Variants in NYAP2 observed in about 807,000 individuals in gnomAD.
NYAP2 encodes neuronal tyrosine-phosphorylated phosphoinositide-3-kinase adaptor 2.
Under a neutral mutation model 50.4 loss-of-function variants are expected in NYAP2, and 23 were observed. The observed-to-expected ratio is 0.46, with a 90% CI of 0.33 to 0.65. The LOEUF (loss-of-function observed/expected upper bound fraction) is 0.65, where lower values mean the gene tolerates loss of function less well. Among genes scored for constraint, NYAP2 ranks in the 30% least tolerant of loss-of-function variants. NYAP2 has a pLI of 0.02. For missense variants in NYAP2, 885 were observed against 861.0 expected, an observed-to-expected ratio of 1.03 and a Z score of -0.35; for synonymous variants, 394 against 365.2, an observed-to-expected ratio of 1.08 and a Z score of -0.90.
chr2:225,541,988 G>A (rs1691480765), intron 4 of NYAP2, among the ~76,000 whole-genome samples: 1 of 151,918 alleles, frequency 6.6e-6, no homozygotes, highest in African/African-American at 2.4e-5. Flanking sequence ...TTTCATTATA[G>A]AGATCCTTAA....
chr2:225,446,729 C>T (rs922395578), intron 3 of NYAP2, among the ~76,000 whole-genome samples: 3 of 152,054 alleles, frequency 2.0e-5, no homozygotes, highest in African/African-American at 7.2e-5. Context: ...CTGTAATTTT[C>T]CTAAGTAGTA....
At chr2:225,413,983 G>A (rs141458433) in intron 3 of NYAP2, among the ~76,000 whole-genome samples, 4 of 152,286 alleles carry the variant, frequency 2.6e-5, no homozygotes, top group Admixed American at 6.5e-5. Context: ...ATAGGATTTC[G>A]TATGATTGAC....
chr2:225,447,865 C>A (rs1689586349), intron 3 of NYAP2, among the ~76,000 whole-genome samples: 1 of 152,166 alleles, frequency 6.6e-6, no homozygotes, highest in Non-Finnish European at 1.5e-5. Context: ...AAGATTCTGA[C>A]TACAGGGAGA....
intron 3 of NYAP2, among the ~76,000 whole-genome samples, chr2:225,477,356 C>T (rs1037508594): frequency 2.7e-5 from 4 of 150,506 alleles, no homozygotes; most frequent in African/African-American, 4.9e-5. Context: ...CCTGCCTCAG[C>T]CTCCCGAGTA....
chr2:225,605,515 GCC>G (rs1234890328), intron 5 of NYAP2, among the ~76,000 whole-genome samples: 2 of 152,052 alleles, frequency 1.3e-5, no homozygotes, highest in Non-Finnish European at 2.9e-5. Flanking sequence ...TTATAGAGCA[GCC>G]TAGCTGAAGT....
At chr2:225,645,132 C>A (rs1214691679) in intron 6 of NYAP2, among the ~76,000 whole-genome samples, 3 of 151,704 alleles carry the variant, frequency 2.0e-5, no homozygotes, top group African/African-American at 7.3e-5. Context: ...GTGGCATGCA[C>A]CTATAGTTTC....
chr2:225,463,897 G>A (rs1008775573), intron 3 of NYAP2, among the ~76,000 whole-genome samples: 1 of 132,992 alleles, frequency 7.5e-6, no homozygotes, highest in East Asian at 1.9e-4. Flanking sequence ...GTTCATCCTG[G>A]TTACCCTCTG....
intron 3 of NYAP2, among the ~76,000 whole-genome samples, chr2:225,448,733 C>A (rs532963595): frequency 2.0e-5 from 3 of 152,194 alleles, no homozygotes; most frequent in Non-Finnish European, 1.5e-5. Context: ...TATTTAGAAG[C>A]ACTGAACGGT....
At chr2:225,699,629 TG>T in the NYAP2 span, 1 of 151,932 alleles carries the variant, frequency 6.6e-6, no homozygotes, top group South Asian at 2.1e-4. Context: ...TTTTTCAAAC[TG>T]GTTATCACCA....
At chr2:225,622,768 TG>T (rs1385727723) in intron 5 of NYAP2, among the ~76,000 whole-genome samples, 3 of 151,676 alleles carry the variant, frequency 2.0e-5, no homozygotes, top group Non-Finnish European at 4.4e-5. Context: ...TTAGTAGAGA[TG>T]GGGTTTCACC....
chr2:225,646,377 A>AC (rs758713051), intron 6 of NYAP2, among the ~76,000 whole-genome samples: 2 of 151,988 alleles, frequency 1.3e-5, no homozygotes, highest in Non-Finnish European at 2.9e-5. Flanking sequence ...CATGGAGAAA[A>AC]CCCATCTCTA....
intron 4 of NYAP2, among the ~76,000 whole-genome samples, chr2:225,519,186 A>G (rs1020053686): frequency 2.6e-5 from 4 of 151,970 alleles, no homozygotes; most frequent in Non-Finnish European, 4.4e-5. Flanking sequence ...ATTAATAAGT[A>G]TTCCCAAGGC....
chr2:225,538,554 C>A (rs985736404), intron 4 of NYAP2, among the ~76,000 whole-genome samples: 1 of 152,200 alleles, frequency 6.6e-6, no homozygotes, highest in Admixed American at 6.5e-5. Flanking sequence ...AGGCTGCACA[C>A]AGCACAGGGA....
intron 3 of NYAP2, among the ~76,000 whole-genome samples, chr2:225,414,394 T>C (rs1224647163): frequency 6.6e-6 from 1 of 152,228 alleles, no homozygotes; most frequent in Admixed American, 6.5e-5. Flanking sequence ...CCTAATGGTT[T>C]TGTGCAGGCA....
Position 225,490,927 on chromosome 2 carries a change from C to G in NYAP2, c.222-22444C>G, listed in dbSNP as rs1690393235. Reference sequence around the variant, plus strand: ...GCCCACCTGCATGGAGCATTACACTCTTGACTGCTGTTATGGAATTTTTCA... The same window carrying G: ...GCCCACCTGCATGGAGCATTACACTGTTGACTGCTGTTATGGAATTTTTCA... On this transcript the variant is annotated intron_variant, in intron 3 of 6. Transcript: ENST00000636099. Among the ~76,000 whole-genome samples the G allele has an allele frequency of 4.6e-5, 7 of 152,154 alleles. No homozygotes were observed. The South Asian group carries it at 1.2e-3, about 27-fold the overall frequency.
At chr2:225,550,844 G>A (rs761592617) in intron 4 of NYAP2, among the ~76,000 whole-genome samples, 19 of 152,186 alleles carry the variant, frequency 1.2e-4, no homozygotes, top group Non-Finnish European at 2.5e-4. Context: ...AAGGGAAAAT[G>A]AAGAACCGGC....
chr2:225,630,155 G>C (rs971095876), intron 6 of NYAP2, among the ~76,000 whole-genome samples: 3 of 152,208 alleles, frequency 2.0e-5, no homozygotes. Flanking sequence ...GATGAGGGAA[G>C]ATTGAAGAAA....
intron 6 of NYAP2, among the ~76,000 whole-genome samples, chr2:225,647,982 G>A (rs76666542): frequency 9.5e-4 from 11 of 11,604 alleles, no homozygotes; most frequent in Non-Finnish European, 1.6e-3. Context: ...ATGTGTGTGT[G>A]CATATGTATG....
rs964991498 is a variant in NYAP2, at chr2:225,564,699, A to C, written c.524-17242A>C. On this transcript the variant is annotated intron_variant, in intron 4 of 6. Transcript: ENST00000636099. Reference sequence around the variant, plus strand: ...CTGCATAAATATAAAAAAAAAAAACATGCTCACTATCTGCATGTCCTCATA... The same window carrying C: ...CTGCATAAATATAAAAAAAAAAAACCTGCTCACTATCTGCATGTCCTCATA... Among the ~76,000 whole-genome samples, 4 of 151,550 alleles carry C rather than the reference A, an allele frequency of 2.6e-5. No individual in the cohort carries two copies. The South Asian group carries it at 8.3e-4, about 31-fold the overall frequency.
Sources: allele counts gnomAD v4.1 joint callset (sites outside exome capture counted in the v4.1 genomes callset), GRCh38; gene constraint gnomAD v4.1.1; transcripts MANE v1.5; gene names NCBI Gene and HGNC (gene_info 2026-07-23, HGNC 2026-07-21).